JAK1: variants seen among roughly 807,000 people sequenced by gnomAD.
The protein encoded by JAK1 is tyrosine-protein kinase JAK1.
A neutral mutation model predicts 136.6 loss-of-function variants in JAK1; 16 were observed. That is an observed-to-expected ratio of 0.12 (90% CI 0.08 to 0.18). The LOEUF is 0.18. Ranked by LOEUF, JAK1 falls within the 10% of genes least tolerant of loss-of-function variation. The probability of loss-of-function intolerance (pLI) is 1.00; values close to 1 mark genes in which losing one functional copy is unlikely to be tolerated. For synonymous variants in JAK1, 492 were observed against 519.5 expected, an observed-to-expected ratio of 0.95 and a Z score of 0.72; for missense variants, 859 against 1,450.1, an observed-to-expected ratio of 0.59 and a Z score of 6.62.
rs375859783 is a variant in JAK1 at position 64,947,282 on chromosome 1, A to C, written c.-78+19051T>G. Among the ~76,000 whole-genome samples, 37 of 152,282 alleles carry C rather than the reference A, an allele frequency of 2.4e-4. No homozygotes were observed. In the South Asian group the frequency reaches 3.5e-3, roughly 15 times the overall value. On this transcript the variant is annotated intron_variant, in intron 1 of 24. Coordinates refer to ENST00000342505, the MANE Select transcript of JAK1 (RefSeq NM_002227.4). ...TATATTACAGCTGACATCTGTTTTT[A>C]TCTCTCTAGAAACTTCTCATACCAG...
intron 20 of JAK1, among the ~76,000 whole-genome samples, chr1:64,839,111 A>C (rs1300242306): frequency 5.4e-5 from 7 of 130,202 alleles, no homozygotes; most frequent in South Asian, 2.4e-4. Flanking sequence ...GCGCCACTGC[A>C]GTCCAGCCTG....
chr1:64,860,870 ACGCGGT>A lies in JAK1; in HGVS notation c.1177-614_1177-609del, dbSNP rs1656275548. ...TGTGTGTGTGTGTGTGTTGGGGGTG[ACGCGGT>A]GGGGGAGGCTGTGGCAGGCAGGGAG... On this transcript the variant is annotated intron_variant, in intron 8 of 24. Coordinates refer to ENST00000342505, the MANE Select transcript of JAK1 (RefSeq NM_002227.4). Among the ~76,000 whole-genome samples the A allele has an allele frequency of 3.2e-5, 3 of 94,916 alleles. No homozygotes were observed. In the Admixed American group the frequency reaches 3.5e-4, roughly 11 times the overall value. 62.3% of individuals were successfully genotyped at this position (94,916 alleles called of 152,430 possible). A position where few individuals can be genotyped will look rare whatever the true frequency, so the allele number is the denominator to read the frequency against.
intron 20 of JAK1, among the ~76,000 whole-genome samples, chr1:64,838,956 T>C (rs907188687): frequency 6.6e-6 from 1 of 151,256 alleles, no homozygotes; most frequent in Non-Finnish European, 1.5e-5. Context: ...CCATCCTGGC[T>C]AACACGGTGA....
At chr1:65,043,154 G>A (rs1423382015) in intron 2 of JAK1, among the ~76,000 whole-genome samples, 1 of 152,160 alleles carries the variant, frequency 6.6e-6, no homozygotes, top group Non-Finnish European at 1.5e-5. Flanking sequence ...GAAATATGAG[G>A]ACTTGGAGTT....
chr1:65,041,360 A>G (rs1192511940), intron 2 of JAK1, among the ~76,000 whole-genome samples: 1 of 152,220 alleles, frequency 6.6e-6, no homozygotes, highest in African/African-American at 2.4e-5. Flanking sequence ...CTACATACAC[A>G]AAGATGGAGT....
intron 1 of JAK1, among the ~76,000 whole-genome samples, chr1:65,052,140 T>C (rs925774226): frequency 1.1e-3 from 114 of 105,008 alleles, no homozygotes; most frequent in Non-Finnish European, 1.9e-3. Context: ...TTTTTTTTTT[T>C]GGTAGAGACA....
chr1:64,916,211 G>A (rs888627374), intron 1 of JAK1, among the ~76,000 whole-genome samples: 1 of 152,150 alleles, frequency 6.6e-6, no homozygotes, highest in Non-Finnish European at 1.5e-5. Flanking sequence ...ACATTACACA[G>A]AGAGAAAACT....
chr1:64,850,661 C>A, intron 12 of JAK1, 143 bp downstream of exon 12: 1 of 649,234 alleles, frequency 1.5e-6, no homozygotes, highest in Non-Finnish European at 2.8e-6. Flanking sequence ...GGTTGTACGG[C>A]TTTTGCCATC....
intron 2 of JAK1, among the ~76,000 whole-genome samples, chr1:65,017,631 A>G (rs1646901607): frequency 6.6e-6 from 1 of 152,184 alleles, no homozygotes; most frequent in Admixed American, 6.5e-5. Context: ...TCATTAAAAC[A>G]AGCCTCAACA....
intron 1 of JAK1, among the ~76,000 whole-genome samples, chr1:64,902,583 A>AGAGAGAGAGAGAGTGTGTGTGTGT: frequency 4.7e-4 from 35 of 73,790 alleles, no homozygotes; most frequent in African/African-American, 2.0e-3. Flanking sequence ...AGAGAGAGAG[A>AGAGAGAGAGAGAGTGTGTGTGTGT]GTGTGTGTGT....
At chr1:64,888,554 T>C (rs1644886780) in intron 1 of JAK1, among the ~76,000 whole-genome samples, 1 of 152,220 alleles carries the variant, frequency 6.6e-6, no homozygotes, top group South Asian at 2.1e-4. Flanking sequence ...GAACTTCTCT[T>C]AGCCTCATGT....
At chr1:64,902,380 C>T (rs1410446329) in intron 1 of JAK1, among the ~76,000 whole-genome samples, 1 of 152,142 alleles carries the variant, frequency 6.6e-6, no homozygotes, top group East Asian at 1.9e-4. Context: ...ACAGCAGCAT[C>T]TCTCTGTCAA....
chr1:64,844,734 G>T lies in JAK1; in HGVS notation c.2251+20C>A, dbSNP rs958459504. On this transcript the variant is annotated intron_variant, in intron 16 of 24. Coordinates refer to ENST00000342505, the MANE Select transcript of JAK1 (RefSeq NM_002227.4). This position sits in a 1 kb window ranked among gnomAD's most constrained non-coding sequence, Gnocchi z 5.7. ...CCCCTGACTCGGGGTGGGGCCAGAGGGAAGAGAGGGGAGACACACCTTGCC... is the reference window on the plus strand; with the variant it reads ...CCCCTGACTCGGGGTGGGGCCAGAGTGAAGAGAGGGGAGACACACCTTGCC... 3 of 1,613,818 alleles carry T rather than the reference G, an allele frequency of 1.9e-6. No homozygotes were observed. In the African/African-American group the frequency reaches 4.0e-5, roughly 22 times the overall value.
rs539443091 is a variant in JAK1 at position 64,860,090 on chromosome 1, G to A, written c.1334+15C>T. 2 of 1,503,644 alleles carry A rather than the reference G, an allele frequency of 1.3e-6. No individual in the cohort carries two copies. Among genetic ancestry groups the A allele is most frequent in the Admixed American group, 2.0e-5 (1 of 50,834 alleles). 93.1% of individuals were successfully genotyped at this position (1,503,644 alleles called of 1,614,324 possible). Reference sequence around the variant, plus strand: ...TCTGCACACCAAAGGCAACTGATAAGGTTCTAGGACCAACCAGATTGGACC... The same window carrying A: ...TCTGCACACCAAAGGCAACTGATAAAGTTCTAGGACCAACCAGATTGGACC... On this transcript the variant is annotated intron_variant, in intron 9 of 24. Transcript: ENST00000342505.
chr1:65,013,805 A>C (rs1646870390), intron 2 of JAK1, among the ~76,000 whole-genome samples: 1 of 152,246 alleles, frequency 6.6e-6, no homozygotes, highest in African/African-American at 2.4e-5. Context: ...TGAGAGCTAG[A>C]AGAAATGAAA....
intron 2 of JAK1, among the ~76,000 whole-genome samples, chr1:64,981,179 A>G (rs1469263188): frequency 6.6e-6 from 1 of 152,222 alleles, no homozygotes; most frequent in Non-Finnish European, 1.5e-5. Context: ...CCACAGGGCT[A>G]TGAAGGGACA....
At chr1:64,898,746 T>C (rs1645062574) in intron 1 of JAK1, among the ~76,000 whole-genome samples, 2 of 152,326 alleles carry the variant, frequency 1.3e-5, no homozygotes, top group African/African-American at 4.8e-5. Flanking sequence ...GGAGCTTGCA[T>C]GAATGCTTTA....
intron 1 of JAK1, among the ~76,000 whole-genome samples, chr1:64,908,530 T>C (rs1424944301): frequency 6.6e-6 from 1 of 152,184 alleles, no homozygotes; most frequent in South Asian, 2.1e-4. Context: ...ATTAGTGCTT[T>C]TGGGAGAAGG....
In JAK1 at chr1:64,940,161, T is replaced by C. The variant is rs569994127; in HGVS notation, c.-78+26172A>G. Among the ~76,000 whole-genome samples, 7 of 152,006 alleles carry C rather than the reference T, an allele frequency of 4.6e-5. No homozygotes were observed. The South Asian group carries it at 6.2e-4, about 14-fold the overall frequency. ...AACCGGTAAGTTGACAGAAAAACAA[T>C]AGAAGGCACAACAGGAAGTCCAAAG... On this transcript the variant is annotated intron_variant, in intron 1 of 24. Transcript: ENST00000342505.
Sources: allele counts gnomAD v4.1 joint callset (sites outside exome capture counted in the v4.1 genomes callset), GRCh38; gene constraint gnomAD v4.1.1; non-coding constraint Gnocchi (gnomAD v3.1); transcripts MANE v1.5; gene names NCBI Gene and HGNC (gene_info 2026-07-23, HGNC 2026-07-21).